The following ANKRD6 variants were observed in gnomAD, a reference collection of about 807,000 sequenced individuals.
ANKRD6 encodes the protein ankyrin repeat domain-containing protein 6.
ANKRD6 carries 56 observed loss-of-function variants against 82.3 expected under a neutral mutation model. That is an observed-to-expected ratio of 0.68 (90% confidence interval 0.55 to 0.85). The LOEUF (loss-of-function observed/expected upper bound fraction) is 0.85. Ranked by LOEUF, ANKRD6 falls within the 40% of genes least tolerant of loss-of-function variation. The pLI is 0.00. For missense variants in ANKRD6, 852 were observed against 907.6 expected (o/e 0.94, Z 0.79); for synonymous variants, 347 against 352.1 (o/e 0.99, Z 0.16).
In ANKRD6 at chr6:89,433,414, T is replaced by A. The variant is rs2127911574; in HGVS notation, c.-144+39T>A. 6.6e-6 allele frequency: 1 copy of A among 152,264 alleles called. No individual in the cohort carries two copies. Among genetic ancestry groups the A allele is most frequent in the East Asian group, 1.9e-4 (1 of 5,152 alleles). 9.4% of individuals were successfully genotyped at this position (152,264 alleles called of 1,614,324 possible). A position where few individuals can be genotyped will look rare whatever the true frequency, so the allele number is the denominator to read the frequency against. On this transcript the variant is annotated intron_variant, in intron 1 of 15. Coordinates refer to ENST00000339746, the MANE Select transcript of ANKRD6 (RefSeq NM_001242809.2). This position sits in a 1 kb window ranked among gnomAD's most constrained non-coding sequence, Gnocchi z 4.3. ...TCGCCGGCTCCCTGGGACCCCCGCT[T>A]ACACCGGGGTGGGCGCCTCAGGTCG... is the stretch of plus-strand genomic sequence containing the variant.
At chr6:89,543,327 T>G (rs1784654282) in intron 1 of ANKRD6, among the ~76,000 whole-genome samples, 1 of 152,206 alleles carries the variant, frequency 6.6e-6, no homozygotes, top group African/African-American at 2.4e-5. Flanking sequence ...AGGGAACCAT[T>G]TTGAGGGTCT....
At chr6:89,540,720 A>AT (rs1322841645) in intron 1 of ANKRD6, among the ~76,000 whole-genome samples, 1 of 151,994 alleles carries the variant, frequency 6.6e-6, no homozygotes, top group Non-Finnish European at 1.5e-5. Flanking sequence ...TGTCCCAGAG[A>AT]TTTTCCCCAG....
intron 1 of ANKRD6, among the ~76,000 whole-genome samples, chr6:89,455,677 A>C (rs1582688920): frequency 1.3e-5 from 2 of 151,854 alleles, no homozygotes; most frequent in Admixed American, 1.3e-4. Context: ...AGCATGTAAC[A>C]CCTGCCCCCT....
intron 1 of ANKRD6, among the ~76,000 whole-genome samples, chr6:89,442,482 G>A (rs1771519936): frequency 6.6e-6 from 1 of 151,666 alleles, no homozygotes; most frequent in African/African-American, 2.4e-5. Flanking sequence ...AATTAGCCAG[G>A]CATGGTGGTG....
In ANKRD6 at chr6:89,630,525, A is replaced by T. The variant is rs772614735; in HGVS notation, c.1705A>T (p.Thr569Ser). The T allele has an allele frequency of 3.7e-6, 6 of 1,614,018 alleles. No individual in the cohort carries two copies. Among genetic ancestry groups the T allele is most frequent in the Non-Finnish European group, 5.1e-6 (6 of 1,179,866 alleles). ...GCCCAAAGAGAAGGCCCTCAACTCCACTGCTACCCAGAGACTCCAGCAGGA... is the reference window on the plus strand; with the variant it reads ...GCCCAAAGAGAAGGCCCTCAACTCCTCTGCTACCCAGAGACTCCAGCAGGA... The part of the protein sequence containing the change: ...VRPKEKALNS[T>S]ATQRLQQELS... The change falls in exon 16 of 16, where the codon ACT (threonine) becomes TCT (serine). Residue 569 changes from threonine (T) to serine (S), a missense_variant. Transcript: ENST00000339746.
rs1415195785 is a variant in ANKRD6, at chr6:89,603,116, A to G, written c.307A>G (p.Arg103Gly). 6.2e-7 allele frequency: 1 copy of G among 1,602,526 alleles called. No homozygotes were observed. The highest frequency in any genetic ancestry group is 2.3e-5 in the East Asian group (1 of 44,340). ...CATCCACGAAGGGTGTGCCCTGGAC[A>G]GACAAGACAAGGTGAGTGGACACTG... ...ALIHEGCALD[R>G]QDKDGNTALH... is the part of the protein sequence containing the mutation. Residue 103 changes from arginine (R) to glycine (G), a missense_variant, in exon 4 of 16, where the codon AGA becomes GGA. By Grantham distance (125) the Arg-to-Gly change is moderately radical (BLOSUM62 -2). Coordinates refer to ENST00000339746, the MANE Select transcript of ANKRD6 (RefSeq NM_001242809.2).
At position 89,599,083 on chromosome 6, in the gene ANKRD6, A is replaced by G. The variant is rs1796517912; in HGVS notation, c.219+3069A>G. On this transcript the variant is annotated intron_variant, in intron 3 of 15. Coordinates refer to ENST00000339746, the MANE Select transcript of ANKRD6 (RefSeq NM_001242809.2). Reference sequence around the variant, plus strand: ...CTTGGCACACAGTAGGGAGTCAATAAATATTCAGTCCGGGCCTGGTGGCTC... The same window carrying G: ...CTTGGCACACAGTAGGGAGTCAATAGATATTCAGTCCGGGCCTGGTGGCTC... 2.0e-5 allele frequency among the ~76,000 whole-genome samples: 3 copies of G among 152,106 alleles called. 1 individual carries two copies. In the South Asian group the frequency reaches 6.2e-4, roughly 32 times the overall value.
At chr6:89,619,295 G>A (rs940185974) in intron 9 of ANKRD6, among the ~76,000 whole-genome samples, 1 of 152,074 alleles carries the variant, frequency 6.6e-6, no homozygotes, top group Admixed American at 6.6e-5. Context: ...GTCTCTCATG[G>A]ATCTAAAAGT....
chr6:89,509,933 C>T (rs1010313082), intron 1 of ANKRD6, among the ~76,000 whole-genome samples: 6 of 152,208 alleles, frequency 3.9e-5, no homozygotes, highest in South Asian at 2.1e-4. Flanking sequence ...CAAACATTAG[C>T]GCTGTTTACT....
At chr6:89,499,640 C>A (rs929919292) in intron 1 of ANKRD6, among the ~76,000 whole-genome samples, 3 of 152,076 alleles carry the variant, frequency 2.0e-5, no homozygotes, top group African/African-American at 7.2e-5. Flanking sequence ...AGTGCCGTAC[C>A]ACAAATGTTC....
chr6:89,603,421 G>T (rs1383868337), intron 4 of ANKRD6, among the ~76,000 whole-genome samples: 1 of 150,790 alleles, frequency 6.6e-6, no homozygotes, highest in Admixed American at 6.6e-5. Context: ...GAACTCCTGG[G>T]CTCAAGTGCT....
chr6:89,470,418 A>G (rs946477463), intron 1 of ANKRD6, among the ~76,000 whole-genome samples: 2 of 152,212 alleles, frequency 1.3e-5, no homozygotes, highest in African/African-American at 2.4e-5. Context: ...CAGAAATTCA[A>G]GATCAGCCTG....
intron 1 of ANKRD6, among the ~76,000 whole-genome samples, chr6:89,449,600 A>C (rs148493691): frequency 1.2e-4 from 19 of 152,354 alleles, no homozygotes; most frequent in African/African-American, 4.3e-4. Context: ...GCAGCAATTC[A>C]GACAAGATGC....
At chr6:89,438,796 C>T (rs1770973462) in intron 1 of ANKRD6, among the ~76,000 whole-genome samples, 1 of 152,150 alleles carries the variant, frequency 6.6e-6, no homozygotes, top group African/African-American at 2.4e-5. Flanking sequence ...GCAGCCACCA[C>T]TGTGCCTGGC....
At chr6:89,450,908 A>G (rs1772729958) in intron 1 of ANKRD6, among the ~76,000 whole-genome samples, 1 of 152,234 alleles carries the variant, frequency 6.6e-6, no homozygotes, top group South Asian at 2.1e-4. Context: ...TATATGTACT[A>G]GGAAACCAAA....
intron 1 of ANKRD6, among the ~76,000 whole-genome samples, chr6:89,539,335 TG>T (rs1431080385): frequency 6.6e-6 from 1 of 152,188 alleles, no homozygotes; most frequent in African/African-American, 2.4e-5. Flanking sequence ...CTACGGTGAT[TG>T]TTATTAAACA....
intron 1 of ANKRD6, among the ~76,000 whole-genome samples, chr6:89,489,808 G>T (rs1236546475): frequency 6.6e-6 from 1 of 152,168 alleles, no homozygotes. Flanking sequence ...AACGGTAATT[G>T]GAAAGCTCCA....
At chr6:89,591,121 AAG>A (rs869291507) in intron 2 of ANKRD6, among the ~76,000 whole-genome samples, 1 of 151,442 alleles carries the variant, frequency 6.6e-6, no homozygotes, top group Non-Finnish European at 1.5e-5. Flanking sequence ...TTCTTTTTTT[AAG>A]GAGAAGGTCT....
intron 11 of ANKRD6, 70 bp from the exon 12 acceptor site, chr6:89,623,802 G>A (rs954611691): frequency 1.3e-6 from 2 of 1,493,750 alleles, no homozygotes; most frequent in Non-Finnish European, 1.8e-6. Context: ...GGTGACATGG[G>A]CGCCACCGAC....
Sources: gnomAD v4.1 joint callset for allele counts (sites outside exome capture counted in the v4.1 genomes callset) on GRCh38, gnomAD v4.1.1 for gene constraint, Gnocchi (gnomAD v3.1) non-coding constraint, MANE v1.5 for transcripts, NCBI Gene and HGNC (gene_info 2026-07-23, HGNC 2026-07-21) for gene names.